Variants in ZFHX4 observed in about 807,000 individuals in gnomAD.
The protein encoded by ZFHX4 is zinc finger homeobox 4.
A neutral mutation model predicts 267.6 loss-of-function variants in ZFHX4; 56 were observed. The ratio of observed to expected loss-of-function variants is 0.21; its 90% CI spans 0.17 to 0.26. The LOEUF is 0.26. Ranked by LOEUF, ZFHX4 falls within the 10% of genes least tolerant of loss-of-function variation. The pLI is 1.00. For synonymous variants in ZFHX4, 1,778 were observed against 1,665.6 expected, an observed-to-expected ratio of 1.07 and a Z score of -1.64; for missense variants, 4,332 against 4,420.0, an observed-to-expected ratio of 0.98 and a Z score of 0.56.
At chr8:76,788,491 T>C (rs1013170925) in intron 4 of ZFHX4, among the ~76,000 whole-genome samples, 2 of 152,192 alleles carry the variant, frequency 1.3e-5, no homozygotes, top group Admixed American at 1.3e-4. Context: ...CAGATTTCAA[T>C]TTTTTAAAAA....
At chr8:76,842,356 C>T (rs1812256688) in intron 5 of ZFHX4, among the ~76,000 whole-genome samples, 1 of 152,004 alleles carries the variant, frequency 6.6e-6, no homozygotes, top group African/African-American at 2.4e-5. Flanking sequence ...CACAGAATTG[C>T]CTTATACCCA....
At chr8:76,789,405 T>C (rs1333428756) in intron 4 of ZFHX4, among the ~76,000 whole-genome samples, 2 of 152,156 alleles carry the variant, frequency 1.3e-5, no homozygotes, top group Non-Finnish European at 2.9e-5. Context: ...AAACAATATT[T>C]TGTCAGGAAA....
intron 3 of ZFHX4, among the ~76,000 whole-genome samples, chr8:76,731,870 T>G (rs886392548): frequency 6.7e-6 from 1 of 148,928 alleles, no homozygotes; most frequent in Non-Finnish European, 1.5e-5. Context: ...ATTATTATTA[T>G]TATTATTATT....
chr8:76,809,916 A>G (rs1416304621), intron 4 of ZFHX4, among the ~76,000 whole-genome samples: 3 of 152,210 alleles, frequency 2.0e-5, no homozygotes, highest in South Asian at 2.1e-4. Flanking sequence ...CAGCATAATT[A>G]TATTTTTATT....
chr8:76,862,357 T>C (rs973605537), intron 10 of ZFHX4, among the ~76,000 whole-genome samples: 1 of 152,182 alleles, frequency 6.6e-6, no homozygotes, highest in African/African-American at 2.4e-5. Context: ...GGTGGTAAAG[T>C]TGACTGTTAA....
At chr8:76,794,985 C>A (rs150183783) in intron 4 of ZFHX4, among the ~76,000 whole-genome samples, 2 of 152,020 alleles carry the variant, frequency 1.3e-5, no homozygotes, top group African/African-American at 4.8e-5. Context: ...TCTGGGCCAG[C>A]TGTCAGCCTG....
intron 4 of ZFHX4, among the ~76,000 whole-genome samples, chr8:76,796,220 T>G (rs1324787060): frequency 1.3e-5 from 2 of 152,102 alleles, no homozygotes; most frequent in Non-Finnish European, 2.9e-5. Flanking sequence ...TTATAAAAAT[T>G]ACATGACTTT....
chr8:76,833,241 C>T (rs1811983552), intron 4 of ZFHX4, 97 bp from the exon 5 acceptor site: 2 of 919,072 alleles, frequency 2.2e-6, no homozygotes, highest in Non-Finnish European at 1.7e-6. Context: ...ATACTTATCT[C>T]TCCTGACTGC....
intron 5 of ZFHX4, among the ~76,000 whole-genome samples, chr8:76,835,241 G>GTATATATATATATATATATGTA (rs144954045): frequency 2.3e-5 from 1 of 42,648 alleles, no homozygotes; most frequent in Non-Finnish European, 4.4e-5. Flanking sequence ...ATATATATAT[G>GTATATATATATATATATATGTA]TATATATATA....
intron 3 of ZFHX4, among the ~76,000 whole-genome samples, chr8:76,769,075 G>A (rs1196594202): frequency 6.6e-6 from 1 of 152,012 alleles, no homozygotes; most frequent in East Asian, 1.9e-4. Context: ...TCCAGCCTGG[G>A]AAACAGAGTA....
intron 4 of ZFHX4, chr8:76,782,196 A>G (rs1360790076): frequency 2.3e-6 from 1 of 440,452 alleles, no homozygotes; most frequent in Non-Finnish European, 4.5e-6. Flanking sequence ...TACAGAGCCC[A>G]ACAGGCTCAT....
intron 4 of ZFHX4, among the ~76,000 whole-genome samples, chr8:76,778,724 T>C (rs1297041979): frequency 1.3e-5 from 2 of 152,100 alleles, no homozygotes; most frequent in Non-Finnish European, 2.9e-5. Context: ...GTGAAATTTT[T>C]CCCCCCAGAG....
At chr8:76,804,766 T>A in intron 4 of ZFHX4, among the ~76,000 whole-genome samples, 1 of 152,036 alleles carries the variant, frequency 6.6e-6, no homozygotes, top group East Asian at 1.9e-4. Context: ...CTGGGAGGTT[T>A]AAAGTCGGAT....
chr8:76,798,933 C>T (rs1042357630), intron 4 of ZFHX4, among the ~76,000 whole-genome samples: 1 of 152,102 alleles, frequency 6.6e-6, no homozygotes, highest in Admixed American at 6.6e-5. Flanking sequence ...TCCTTTCTAT[C>T]CTTTTGCCTG....
In ZFHX4 at chr8:76,863,694, A is replaced by C. The variant is rs1812941794; in HGVS notation, c.9980A>C (p.Gln3327Pro). 6.3e-7 allele frequency: 1 copy of C among 1,586,572 alleles called. No individual in the cohort carries two copies. The change falls in exon 11 of 11, where the codon CAG becomes CCG. Residue 3327 changes from glutamine to proline, a missense_variant. Physicochemically the swap from Gln to Pro is moderately conservative, Grantham distance 76 (BLOSUM62 -1). Around this residue, in one of 7 missense-constraint regions of ZFHX4, gnomAD observed 1,648 missense variants for 1,625.0 expected, o/e 1.01. Coordinates refer to ENST00000651372, the MANE Select transcript of ZFHX4 (RefSeq NM_024721.5). ...TACCAACAGTATCAGCAGAACCTGC[A>C]GGAGTCCCTGCAAAAGCAGCAAAAG... ...QQYQQYQQNLQESLQKQQKQQ... is the reference protein window; with the variant it reads ...QQYQQYQQNLPESLQKQQKQQ...
intron 3 of ZFHX4, among the ~76,000 whole-genome samples, chr8:76,725,224 A>C (rs1300922315): frequency 6.6e-6 from 1 of 152,148 alleles, no homozygotes; most frequent in Non-Finnish European, 1.5e-5. Context: ...AATATGGTAC[A>C]CAATCTTATG....
intron 6 of ZFHX4, among the ~76,000 whole-genome samples, chr8:76,843,697 GTCA>G (rs1812295929): frequency 6.6e-6 from 1 of 152,118 alleles, no homozygotes; most frequent in Non-Finnish European, 1.5e-5. Flanking sequence ...GTTTCAGGTA[GTCA>G]TCTATCTTTT....
At chr8:76,826,475 G>T (rs2131876996) in intron 4 of ZFHX4, among the ~76,000 whole-genome samples, 1 of 152,258 alleles carries the variant, frequency 6.6e-6, no homozygotes, top group Non-Finnish European at 1.5e-5. Flanking sequence ...TTAAAAAATA[G>T]TTTCAAAAGG....
intron 4 of ZFHX4, among the ~76,000 whole-genome samples, chr8:76,816,885 C>T (rs1215945592): frequency 1.3e-5 from 2 of 152,084 alleles, no homozygotes; most frequent in South Asian, 2.1e-4. Flanking sequence ...TGTGAGCCAC[C>T]GTGCCCAGCC....
Sources: allele counts gnomAD v4.1 joint callset (sites outside exome capture counted in the v4.1 genomes callset), GRCh38; gene constraint gnomAD v4.1.1; regional missense constraint gnomAD v4.1.1; transcripts MANE v1.5; gene names NCBI Gene and HGNC (gene_info 2026-07-23, HGNC 2026-07-21).